The following SIPA1L1 variants were observed in gnomAD, a reference collection of about 807,000 sequenced individuals.
SIPA1L1 encodes the protein signal induced proliferation associated 1 like 1.
A neutral mutation model predicts 162.7 loss-of-function variants in SIPA1L1; 26 were observed. That is an observed-to-expected ratio of 0.16 (90% CI 0.12 to 0.22). The LOEUF is 0.22. SIPA1L1 is among the 10% of genes least tolerant of loss of function. The pLI is 1.00. For missense variants in SIPA1L1, 1,874 were observed against 2,241.0 expected (o/e 0.84, Z 3.31); for synonymous variants, 829 against 837.4 (o/e 0.99, Z 0.17).
chr14:71,671,145 T>C lies in SIPA1L1; in HGVS notation c.2282T>C (p.Val761Ala). The C allele has an allele frequency of 6.2e-7, 1 of 1,611,538 alleles. No individual in the cohort carries two copies. The part of the protein sequence containing the change: ...YSVAVTRSRD[V>A]PSFGPPIPKG... ...GTGGCTGTTACCAGGTCCAGAGATG[T>C]GCCTTCCTTTGGGCCTCCCATTCCT... Residue 761 changes from valine to alanine, a missense_variant, in exon 11 of 24, where the codon GTG becomes GCG. Around this residue, in one of 5 missense-constraint regions of SIPA1L1, gnomAD observed 243 missense variants for 315.0 expected, o/e 0.77. Coordinates refer to ENST00000381232, the MANE Select transcript of SIPA1L1 (RefSeq NM_001386936.1).
At chr14:71,537,414 A>G (rs1419106484) in intron 4 of SIPA1L1, among the ~76,000 whole-genome samples, 2 of 152,128 alleles carry the variant, frequency 1.3e-5, no homozygotes, top group Non-Finnish European at 2.9e-5. Context: ...CATATTGGCC[A>G]GGCTGGTCTC....
intron 19 of SIPA1L1, among the ~76,000 whole-genome samples, chr14:71,727,246 A>G (rs972124144): frequency 6.6e-6 from 1 of 152,050 alleles, no homozygotes; most frequent in African/African-American, 2.4e-5. Flanking sequence ...GTGTGGCTCC[A>G]GTATTTAGGA....
chr14:71,397,520 T>C (rs2041301711), intron 2 of SIPA1L1, among the ~76,000 whole-genome samples: 1 of 151,842 alleles, frequency 6.6e-6, no homozygotes, highest in Non-Finnish European at 1.5e-5. Flanking sequence ...TGGGGAATAA[T>C]GTGTGTGTGT....
chr14:71,327,663 G>A (rs1393765428), intron 2 of SIPA1L1, among the ~76,000 whole-genome samples: 1 of 152,172 alleles, frequency 6.6e-6, no homozygotes, highest in Non-Finnish European at 1.5e-5. Flanking sequence ...GAATCATGGG[G>A]CTGTGGCTCT....
chr14:71,709,216 T>C lies in SIPA1L1; in HGVS notation c.3766-6T>C, dbSNP rs753896812. 1.2e-6 allele frequency: 2 copies of C among 1,602,402 alleles called. No homozygotes were observed. Among genetic ancestry groups the C allele is most frequent in the Non-Finnish European group, 1.7e-6 (2 of 1,172,800 alleles). ...TGCACTCAAATAAATTCTGCTTCTCTTGCAGTCTGATAGCCACTACTCGAG... is the reference window on the plus strand; with the variant it reads ...TGCACTCAAATAAATTCTGCTTCTCCTGCAGTCTGATAGCCACTACTCGAG... On this transcript the variant is annotated splice_region_variant and splice_polypyrimidine_tract_variant and intron_variant, in intron 16 of 23. Transcript: ENST00000381232.
chr14:71,496,067 A>G (rs1186138620), intron 2 of SIPA1L1, among the ~76,000 whole-genome samples: 19 of 113,544 alleles, frequency 1.7e-4, no homozygotes, highest in Admixed American at 1.2e-3. Flanking sequence ...TGTCTTAAAA[A>G]AAAAGAAAAA....
At chr14:71,441,415 A>G (rs1039120963) in intron 2 of SIPA1L1, among the ~76,000 whole-genome samples, 19 of 152,246 alleles carry the variant, frequency 1.2e-4, no homozygotes, top group African/African-American at 4.3e-4. Context: ...GCTGCCCAGA[A>G]GTTCCCAAAG....
chr14:71,705,206 C>G lies in SIPA1L1; in HGVS notation c.3647-16C>G, dbSNP rs2082353566. 4 of 1,565,764 alleles carry G rather than the reference C, an allele frequency of 2.6e-6. No individual in the cohort carries two copies. In the South Asian group the frequency reaches 4.4e-5, roughly 17 times the overall value. The stretch of plus-strand genomic sequence containing the variant: ...TGCTTAGTGCCTGCACCATAATGTC[C>G]TATGCTGTATTCCAGAGCCAACATG... On this transcript the variant is annotated splice_polypyrimidine_tract_variant and intron_variant, in intron 15 of 23. Transcript: ENST00000381232.
At chr14:71,525,702 T>C (rs1346687556) in intron 3 of SIPA1L1, among the ~76,000 whole-genome samples, 1 of 152,232 alleles carries the variant, frequency 6.6e-6, no homozygotes, top group Non-Finnish European at 1.5e-5. Context: ...GAAATTGTTG[T>C]ACCAGAAATA....
At chr14:71,711,963 G>T (rs932792630) in intron 17 of SIPA1L1, among the ~76,000 whole-genome samples, 2 of 152,184 alleles carry the variant, frequency 1.3e-5, no homozygotes, top group Non-Finnish European at 2.9e-5. Context: ...TTGGTATGTT[G>T]ATCTTGGCAG....
chr14:71,544,262 GATATGTGTATATAC>G (rs767178959), intron 4 of SIPA1L1, among the ~76,000 whole-genome samples: 53 of 105,082 alleles, frequency 5.0e-4, no homozygotes, highest in Admixed American at 3.2e-3. Flanking sequence ...ATATACACAT[GATATGTGTATATAC>G]ATATGTGTAT....
intron 4 of SIPA1L1, among the ~76,000 whole-genome samples, chr14:71,534,982 T>C (rs1246715697): frequency 6.6e-6 from 1 of 152,212 alleles, no homozygotes; most frequent in African/African-American, 2.4e-5. Flanking sequence ...TCAACAAATG[T>C]TAAAAGTAAC....
intron 5 of SIPA1L1, among the ~76,000 whole-genome samples, chr14:71,605,059 A>G (rs141888392): frequency 1.4e-3 from 210 of 152,074 alleles, no homozygotes; most frequent in Non-Finnish European, 2.5e-3. Context: ...ATGTCACATA[A>G]GCTTTGCATT....
At position 71,588,534 on chromosome 14, in the gene SIPA1L1, G is replaced by C. The variant is rs1421933893; in HGVS notation, c.662G>C (p.Ser221Thr). The part of the protein sequence containing the change: ...SIDKQGTSGE[S>T]FFDLLKGYKD... Reference sequence around the variant, plus strand: ...GATAAACAGGGAACATCTGGAGAAAGCTTTTTTGATTTGTTAAAGGGCTAC... The same window carrying C: ...GATAAACAGGGAACATCTGGAGAAACCTTTTTTGATTTGTTAAAGGGCTAC... The change falls in exon 5 of 24, where the codon AGC (serine) becomes ACC (threonine). Residue 221 changes from serine to threonine, a missense_variant. Around this residue, in one of 5 missense-constraint regions of SIPA1L1, gnomAD observed 685 missense variants for 828.0 expected, o/e 0.83. Transcript: ENST00000381232. The surrounding 1 kb of genome is among the most constrained non-coding windows in gnomAD (Gnocchi z 4.3). 1.2e-6 allele frequency: 2 copies of C among 1,613,980 alleles called. No individual in the cohort carries two copies. Among genetic ancestry groups the C allele is most frequent in the Non-Finnish European group, 1.7e-6 (2 of 1,179,982 alleles).
In SIPA1L1 at chr14:71,355,499, T is replaced by C. The variant is rs556293695; in HGVS notation, c.-465+34318T>C. Among the ~76,000 whole-genome samples, 8 of 152,296 alleles carry C rather than the reference T, an allele frequency of 5.3e-5. No individual in the cohort carries two copies. The South Asian group carries it at 8.3e-4, about 16-fold the overall frequency. On this transcript the variant is annotated intron_variant, in intron 2 of 23. Coordinates refer to ENST00000381232, the MANE Select transcript of SIPA1L1 (RefSeq NM_001386936.1). ...TTTGGCATTCAAATACGGCATTAGA[T>C]CACCTTGCCTGCAGTTGGGGAATGT...
chr14:71,417,001 T>C (rs937501996), intron 2 of SIPA1L1, among the ~76,000 whole-genome samples: 9 of 152,100 alleles, frequency 5.9e-5, no homozygotes, highest in African/African-American at 2.2e-4. Context: ...TCCTTCTCCG[T>C]TGGCCTCCTG....
At chr14:71,467,828 A>G (rs2047119768) in intron 2 of SIPA1L1, among the ~76,000 whole-genome samples, 1 of 150,540 alleles carries the variant, frequency 6.6e-6, no homozygotes, top group Admixed American at 6.7e-5. Flanking sequence ...CCAACCTGCC[A>G]AACATAACTA....
At chr14:71,535,383 T>G (rs542548562) in intron 4 of SIPA1L1, among the ~76,000 whole-genome samples, 1 of 152,370 alleles carries the variant, frequency 6.6e-6, no homozygotes, top group Non-Finnish European at 1.5e-5. Flanking sequence ...GTTTTTCTTA[T>G]GCAGGGCATG....
chr14:71,699,112 A>G lies in SIPA1L1; in HGVS notation c.3506A>G (p.Lys1169Arg). ...TGSVGGTYRQ[K>R]SMPEGFGVSR... The stretch of plus-strand genomic sequence containing the variant: ...TCTGTGGGGGGCACTTACAGGCAGA[A>G]GTCCATGCCCGAAGGGTAGTTATGC... The change falls in exon 14 of 24, where the codon AAG (lysine) becomes AGG (arginine). Residue 1169 changes from lysine (K) to arginine (R), a missense_variant. Transcript: ENST00000381232. 3 of 1,614,212 alleles carry G rather than the reference A, an allele frequency of 1.9e-6. No homozygotes were observed. The highest frequency in any genetic ancestry group is 2.5e-6 in the Non-Finnish European group (3 of 1,180,014).
Sources: gnomAD v4.1 joint callset for allele counts (sites outside exome capture counted in the v4.1 genomes callset) on GRCh38, gnomAD v4.1.1 for gene constraint, gnomAD v4.1.1 regional missense constraint, Gnocchi (gnomAD v3.1) non-coding constraint, MANE v1.5 for transcripts, NCBI Gene and HGNC (gene_info 2026-07-23, HGNC 2026-07-21) for gene names.